FAM234A: variants seen among roughly 807,000 people sequenced by gnomAD.
The protein encoded by FAM234A is family with sequence similarity 234 member A, also known as protein FAM234A.
FAM234A carries 42 observed loss-of-function variants against 49.1 expected under a neutral mutation model. The observed-to-expected ratio is 0.86, with a 90% CI of 0.67 to 1.11. FAM234A has a LOEUF of 1.11. FAM234A is among the 50% of genes least tolerant of loss of function. The pLI, the probability that FAM234A is intolerant of heterozygous loss-of-function variation, is 0.00. For missense variants in FAM234A, 815 were observed against 745.2 expected (o/e 1.09, Z -1.09); for synonymous variants, 369 against 316.2 (o/e 1.17, Z -1.77).
intron 3 of FAM234A, 105 bp downstream of exon 3, chr16:254,786 CAG>C: frequency 8.3e-7 from 1 of 1,199,282 alleles, no homozygotes; most frequent in Non-Finnish European, 1.2e-6. Context: ...GGCCTTTAAA[CAG>C]TGAATCAATC....
chr16:261,254 T>A, intron 5 of FAM234A, 130 bp from the exon 6 acceptor site: 1 of 1,047,138 alleles, frequency 9.5e-7, no homozygotes, highest in Non-Finnish European at 1.4e-6. Flanking sequence ...CTGCTCTGAG[T>A]GTGCAGTGAG....
Position 234,861 on chromosome 16 carries a change from A to G in FAM234A, c.-140+4A>G, listed in dbSNP as rs985228203. On this transcript the variant is annotated splice_donor_region_variant and intron_variant, in intron 1 of 12. Coordinates refer to ENST00000399932, the MANE Select transcript of FAM234A (RefSeq NM_032039.4). Reference sequence around the variant, plus strand: ...GGGTGAGAGGCCGCGGCGGCAGGTGAGTGAGCGCGGCCTCGTACTCGCGCG... The same window carrying G: ...GGGTGAGAGGCCGCGGCGGCAGGTGGGTGAGCGCGGCCTCGTACTCGCGCG... The G allele has an allele frequency of 1.3e-5, 2 of 152,306 alleles. No homozygotes were observed. Among genetic ancestry groups the G allele is most frequent in the African/African-American group, 4.8e-5 (2 of 41,406 alleles). The allele number at this position is 152,306 out of a possible 1,614,324, so 9.4% of individuals were successfully genotyped here.
intron 4 of FAM234A, 54 bp downstream of exon 4, chr16:259,653 C>G (rs995975483): frequency 8.9e-7 from 1 of 1,121,106 alleles, no homozygotes; most frequent in Non-Finnish European, 1.4e-6. Context: ...GAGGAATCGT[C>G]ATTTTGGGTC....
intron 1 of FAM234A, among the ~76,000 whole-genome samples, chr16:235,349 C>A (rs542263709): frequency 6.6e-6 from 1 of 152,174 alleles, no homozygotes; most frequent in South Asian, 2.1e-4. Context: ...GCAAGCTTGT[C>A]CGTCCGGCAC....
chr16:246,253 A>T (rs2141218731), intron 1 of FAM234A, among the ~76,000 whole-genome samples: 1 of 151,050 alleles, frequency 6.6e-6, no homozygotes, highest in East Asian at 1.9e-4. Flanking sequence ...TTACATTTTT[A>T]ATTCATTTGG....
chr16:264,021 G>C lies in FAM234A; in HGVS notation c.1194G>C (p.Leu398=). The change falls in exon 11 of 13, where the codon CTG becomes CTC. Residue 398 remains leucine (L), a synonymous_variant. Transcript: ENST00000399932. The part of the protein sequence containing the change: ...ENGTGTDRQI[L]FLDLGTGAVL... The stretch of plus-strand genomic sequence containing the variant: ...AGTGTCCCCTCCCTCCCCAGATCCT[G>C]TTTCTGGACCTTGGCACTGGAGCCG... 1.2e-6 allele frequency: 2 copies of C among 1,612,374 alleles called. No individual in the cohort carries two copies. Among genetic ancestry groups the C allele is most frequent in the Non-Finnish European group, 1.7e-6 (2 of 1,179,346 alleles).
chr16:261,255 G>A (rs1405766289), intron 5 of FAM234A, 129 bp from the exon 6 acceptor site: 6 of 1,065,008 alleles, frequency 5.6e-6, no homozygotes, highest in South Asian at 1.5e-5. Flanking sequence ...TGCTCTGAGT[G>A]TGCAGTGAGC....
At chr16:245,433 C>T (rs2141212730) in intron 1 of FAM234A, among the ~76,000 whole-genome samples, 1 of 152,280 alleles carries the variant, frequency 6.6e-6, no homozygotes, top group Non-Finnish European at 1.5e-5. Flanking sequence ...TTCCCCTGGG[C>T]ACCGGCCACT....
intron 1 of FAM234A, among the ~76,000 whole-genome samples, chr16:242,511 T>C (rs1001311537): frequency 6.6e-6 from 1 of 151,976 alleles, no homozygotes; most frequent in Non-Finnish European, 1.5e-5. Flanking sequence ...ACCGCGGGCT[T>C]ACTGATAGTT....
At chr16:237,458 G>A (rs1377563591) in intron 1 of FAM234A, among the ~76,000 whole-genome samples, 1 of 151,968 alleles carries the variant, frequency 6.6e-6, no homozygotes, top group African/African-American at 2.4e-5. Flanking sequence ...TTTTCTAGAG[G>A]TCGAAAATTT....
intron 9 of FAM234A, 78 bp from the exon 10 acceptor site, chr16:263,622 G>GAAC: frequency 7.5e-7 from 1 of 1,329,334 alleles, no homozygotes; most frequent in Non-Finnish European, 1.1e-6. Flanking sequence ...CTGAGGGGCG[G>GAAC]ACGTGTTCCT....
chr16:247,739 A>G (rs753082755), intron 1 of FAM234A, among the ~76,000 whole-genome samples: 2 of 152,034 alleles, frequency 1.3e-5, no homozygotes, highest in African/African-American at 2.4e-5. Flanking sequence ...GGCCTTATTA[A>G]TGATTTTTAA....
intron 1 of FAM234A, among the ~76,000 whole-genome samples, chr16:237,651 T>C (rs1478774762): frequency 6.6e-6 from 1 of 151,848 alleles, no homozygotes; most frequent in Non-Finnish European, 1.5e-5. Flanking sequence ...TATCTTCCCT[T>C]AGAGCAAGTG....
chr16:259,942 G>A (rs2051390536), intron 4 of FAM234A, 27 bp from the exon 5 acceptor site: 2 of 1,604,328 alleles, frequency 1.2e-6, no homozygotes, highest in South Asian at 1.1e-5. Flanking sequence ...TGGTGCAACA[G>A]TGAGGTGCCG....
At chr16:264,297 T>C in intron 11 of FAM234A, 126 bp downstream of exon 11, 2 of 1,072,572 alleles carry the variant, frequency 1.9e-6, no homozygotes, top group South Asian at 3.3e-5. Flanking sequence ...TGAAGTCCAG[T>C]GACAGTCAGG....
At position 264,936 on chromosome 16, in the gene FAM234A, G is replaced by A. The variant is rs1203726378; in HGVS notation, c.1573G>A (p.Val525Met). ...GCGGGACCTTGTCCCAAGCAGCAGG[G>A]TGGTCCGCCTGGGTGAGGGTGGGCC... ...KVRDLVPSSRVVRLGEGGPDS... is the reference protein window; with the variant it reads ...KVRDLVPSSRMVRLGEGGPDS... The change falls in exon 13 of 13, where the codon GTG becomes ATG. Residue 525 changes from valine (V) to methionine (M), a missense_variant. By Grantham distance (21) the Val-to-Met change is conservative (BLOSUM62 1). Transcript: ENST00000399932. 6.2e-7 allele frequency: 1 copy of A among 1,613,044 alleles called. No individual in the cohort carries two copies. The highest frequency in any genetic ancestry group is 1.1e-5 in the South Asian group (1 of 91,068).
chr16:246,382 A>G (rs1442378692), intron 1 of FAM234A, among the ~76,000 whole-genome samples: 51 of 128,288 alleles, frequency 4.0e-4, no homozygotes, highest in Admixed American at 1.3e-3. Flanking sequence ...GGGTTCAAGC[A>G]GTTCTCCTGC....
intron 1 of FAM234A, among the ~76,000 whole-genome samples, chr16:248,006 T>C (rs971358085): frequency 2.0e-5 from 3 of 152,110 alleles, no homozygotes; most frequent in African/African-American, 7.3e-5. Flanking sequence ...GGTGCTCATC[T>C]GGTTAAGTCA....
At chr16:263,948 C>A in intron 10 of FAM234A, 68 bp from the exon 11 acceptor site, 1 of 1,527,292 alleles carries the variant, frequency 6.5e-7, no homozygotes, top group Non-Finnish European at 9.0e-7. Flanking sequence ...GCACGTGTGC[C>A]TGTGCAAGCC....
Sources: allele counts gnomAD v4.1 joint callset (sites outside exome capture counted in the v4.1 genomes callset), GRCh38; gene constraint gnomAD v4.1.1; transcripts MANE v1.5; gene names NCBI Gene and HGNC (gene_info 2026-07-23, HGNC 2026-07-21).